TGM7: variants seen among roughly 807,000 people sequenced by gnomAD.
The protein encoded by TGM7 is protein-glutamine gamma-glutamyltransferase Z.
A neutral mutation model predicts 79.5 loss-of-function variants in TGM7; 74 were observed. That is an observed-to-expected ratio of 0.93 (90% CI 0.77 to 1.13). TGM7 has a LOEUF of 1.13. Ranked by LOEUF, TGM7 falls within the 50% of genes most tolerant of loss-of-function variation. The pLI, the probability that TGM7 is intolerant of heterozygous loss-of-function variation, is 0.00. For synonymous variants in TGM7, 354 were observed against 362.5 expected (o/e 0.98, Z 0.27); for missense variants, 912 against 905.9 (o/e 1.01, Z -0.09).
chr15:43,282,655 T>A, intron 7 of TGM7, 35 bp from the exon 8 acceptor site: 1 of 1,542,390 alleles, frequency 6.5e-7, no homozygotes, highest in South Asian at 1.2e-5. Flanking sequence ...GGATTCATGT[T>A]AGCTGAGGTT....
Position 43,279,647 on chromosome 15 carries a change from C to G in TGM7, c.1656G>C (p.Arg552=). The G allele has an allele frequency of 6.2e-7, 1 of 1,604,076 alleles. No individual in the cohort carries two copies. Among genetic ancestry groups the G allele is most frequent in the South Asian group, 1.1e-5 (1 of 89,952 alleles). ...TQKPFWRHTV[R]MNLDFGKETQ... is the part of the protein sequence containing the mutation. ...CACCCTTCCCAAAGTCCAGGTTCATCCGCACTGTGTGCCTCCAGAAGGGCT... is the reference window on the plus strand; with the variant it reads ...CACCCTTCCCAAAGTCCAGGTTCATGCGCACTGTGTGCCTCCAGAAGGGCT... The change falls in exon 10 of 13, where the codon CGG becomes CGC. Residue 552 remains arginine, a synonymous_variant. Coordinates refer to ENST00000452443, the MANE Select transcript of TGM7 (RefSeq NM_052955.3).
At chr15:43,287,752 G>A in intron 4 of TGM7, 83 bp from the exon 5 acceptor site, 1 of 1,525,496 alleles carries the variant, frequency 6.6e-7, no homozygotes, top group Non-Finnish European at 8.8e-7. Context: ...AGACTTTTGG[G>A]GATGGCATGT....
intron 1 of TGM7, among the ~76,000 whole-genome samples, chr15:43,294,460 T>A (rs1287264733): frequency 6.6e-6 from 1 of 152,192 alleles, no homozygotes; most frequent in Non-Finnish European, 1.5e-5. Flanking sequence ...ATCTGAAAAA[T>A]GGAGACAATT....
intron 3 of TGM7, 117 bp downstream of exon 3, chr15:43,292,592 A>C: frequency 7.9e-7 from 1 of 1,269,952 alleles, no homozygotes; most frequent in Non-Finnish European, 1.1e-6. Flanking sequence ...TTGTGAGAGC[A>C]CACGCTACTA....
rs780227602 is a variant in TGM7, at chr15:43,279,191, C to T, written c.1765G>A (p.Glu589Lys). 4 of 1,614,102 alleles carry T rather than the reference C, an allele frequency of 2.5e-6. No homozygotes were observed. Among genetic ancestry groups the T allele is most frequent in the East Asian group, 2.2e-5 (1 of 44,872 alleles). Residue 589 changes from glutamate to lysine, a missense_variant, in exon 11 of 13, where the codon GAG (glutamate) becomes AAG (lysine). Coordinates refer to ENST00000452443, the MANE Select transcript of TGM7 (RefSeq NM_052955.3). ...EKLIRVSGIA[E>K]VEETGRSMLV... ...ATGGACCTCCCTGTCTCTTCAACCT[C>T]CGCGATGCCAGACACGCGGATGAGC... is the stretch of plus-strand genomic sequence containing the variant.
chr15:43,295,186 G>T (rs894881641), intron 1 of TGM7, among the ~76,000 whole-genome samples: 1 of 152,196 alleles, frequency 6.6e-6, no homozygotes, highest in African/African-American at 2.4e-5. Context: ...CTGTCTTCCA[G>T]TCTTCATCTA....
At chr15:43,278,491 C>T (rs1039678018) in intron 11 of TGM7, among the ~76,000 whole-genome samples, 1 of 152,214 alleles carries the variant, frequency 6.6e-6, no homozygotes, top group Non-Finnish European at 1.5e-5. Flanking sequence ...GACAAGGTCT[C>T]ACTCTGTTGT....
chr15:43,293,410 T>A, intron 2 of TGM7, 39 bp downstream of exon 2: 1 of 1,544,882 alleles, frequency 6.5e-7, no homozygotes, highest in Non-Finnish European at 8.8e-7. Context: ...GCCCTCATTT[T>A]GACGGAACCT....
Position 43,293,641 on chromosome 15 carries a change from A to G in TGM7, c.11-10T>C. ...AGCCGCAAGGTTGCCACTAGGGGAGAGGAGGGGACAGGTCACGCCCACCTG... is the reference window on the plus strand; with the variant it reads ...AGCCGCAAGGTTGCCACTAGGGGAGGGGAGGGGACAGGTCACGCCCACCTG... On this transcript the variant is annotated splice_polypyrimidine_tract_variant and intron_variant, in intron 1 of 12. Transcript: ENST00000452443. 2 of 1,587,632 alleles carry G rather than the reference A, an allele frequency of 1.3e-6. No homozygotes were observed. Among genetic ancestry groups the G allele is most frequent in the Non-Finnish European group, 1.7e-6 (2 of 1,168,750 alleles).
In TGM7 at chr15:43,279,125, A is replaced by G. The variant is rs770677208; in HGVS notation, c.1831T>C (p.Ser611Pro). 5.6e-6 allele frequency: 9 copies of G among 1,613,072 alleles called. No individual in the cohort carries two copies. The highest frequency in any genetic ancestry group is 7.6e-6 in the Non-Finnish European group (9 of 1,179,522). ...CCATGTCCAGACACTACCTCAATAG[A>G]CAAGTGGGGAGGCTCCAGACAGATA... is the stretch of plus-strand genomic sequence containing the variant. ...KDICLEPPHL[S>P]IEVSERAEVG... The change falls in exon 11 of 13, where the codon TCT becomes CCT. Residue 611 changes from serine to proline, a missense_variant. Ser to Pro is a moderately conservative substitution (Grantham distance 74). Transcript: ENST00000452443.
chr15:43,293,753 G>C, intron 1 of TGM7, 122 bp from the exon 2 acceptor site: 1 of 55,406 alleles, frequency 1.8e-5, no homozygotes, highest in Non-Finnish European at 3.8e-5. Flanking sequence ...GGGGTAGGTG[G>C]GGCGTGCGGG....
chr15:43,278,696 C>A (rs140102266), intron 11 of TGM7, among the ~76,000 whole-genome samples: 13 of 152,318 alleles, frequency 8.5e-5, no homozygotes, highest in Admixed American at 8.5e-4. Flanking sequence ...TCAAGTGATC[C>A]TCCCGCCTTG....
chr15:43,293,427 C>T, intron 2 of TGM7, 22 bp downstream of exon 2: 1 of 1,576,040 alleles, frequency 6.3e-7, no homozygotes, highest in Non-Finnish European at 8.7e-7. Flanking sequence ...ACCTGCGGGG[C>T]CTTGGGACAG....
At chr15:43,285,833 C>A (rs1448290536) in intron 6 of TGM7, among the ~76,000 whole-genome samples, 1 of 133,718 alleles carries the variant, frequency 7.5e-6, no homozygotes, top group Non-Finnish European at 1.5e-5. Context: ...AACATTACCC[C>A]CAACACATAC....
chr15:43,282,263 G>C (rs2042913460), intron 8 of TGM7, among the ~76,000 whole-genome samples, 177 bp from the exon 9 acceptor site: 1 of 152,188 alleles, frequency 6.6e-6, no homozygotes, highest in Non-Finnish European at 1.5e-5. Context: ...CTGTGAAGTG[G>C]CAATGCTCAT....
At chr15:43,280,559 G>C (rs1249131718) in intron 9 of TGM7, among the ~76,000 whole-genome samples, 1 of 152,092 alleles carries the variant, frequency 6.6e-6, no homozygotes, top group Admixed American at 6.6e-5. Flanking sequence ...GGAGGTGGAG[G>C]TTGCAGTGAG....
intron 1 of TGM7, among the ~76,000 whole-genome samples, chr15:43,297,627 A>AAGAAAGAAAG (rs1208139941): frequency 4.0e-5 from 6 of 151,476 alleles, no homozygotes; most frequent in Non-Finnish European, 8.8e-5. Context: ...GAAAGAAAGA[A>AAGAAAGAAAG]AGAAAGAAAA....
chr15:43,295,846 A>G lies in TGM7; in HGVS notation c.11-2215T>C, dbSNP rs142388554. ...AAGGTGAATTACTGGATCAATTGGT[A>G]CAAAGTTGTTAAACCTCTTGATGTG... On this transcript the variant is annotated intron_variant, in intron 1 of 12. Transcript: ENST00000452443. Among the ~76,000 whole-genome samples the G allele has an allele frequency of 2.1e-3, 327 of 152,364 alleles. 2 individuals carry two copies. The highest frequency in any genetic ancestry group is 7.6e-3 in the African/African-American group (316 of 41,582).
rs764432955 is a variant in TGM7, at chr15:43,282,065, G to C, written c.1130C>G (p.Ala377Gly). Reference protein sequence around the residue: ...TSSGLFCCGPASVKAIREGDV... With the variant: ...TSSGLFCCGPGSVKAIREGDV... ...CCCTTCCCTGATGGCCTTCACAGAGGCAGGGCCACAGCAGAACAGCCCTGT... is the reference window on the plus strand; with the variant it reads ...CCCTTCCCTGATGGCCTTCACAGAGCCAGGGCCACAGCAGAACAGCCCTGT... Residue 377 changes from alanine to glycine, a missense_variant, in exon 9 of 13, where the codon GCC becomes GGC. Ala to Gly is a moderately conservative substitution (Grantham distance 60). Transcript: ENST00000452443. The C allele has an allele frequency of 6.2e-7, 1 of 1,614,142 alleles. No homozygotes were observed. Among genetic ancestry groups the C allele is most frequent in the South Asian group, 1.1e-5 (1 of 91,084 alleles).
Sources: gnomAD v4.1 joint callset for allele counts (sites outside exome capture counted in the v4.1 genomes callset) on GRCh38, gnomAD v4.1.1 for gene constraint, MANE v1.5 for transcripts, NCBI Gene and HGNC (gene_info 2026-07-23, HGNC 2026-07-21) for gene names.